IQSEC1: variants seen among roughly 807,000 people sequenced by gnomAD.
IQSEC1 encodes IQ motif and SEC7 domain-containing protein 1.
Under a neutral mutation model 91.0 loss-of-function variants are expected in IQSEC1, and 31 were observed. The observed-to-expected ratio is 0.34, with a 90% CI of 0.26 to 0.46. IQSEC1 has a LOEUF of 0.46. Among genes scored for constraint, IQSEC1 ranks in the 20% least tolerant of loss-of-function variants. The pLI, the probability that IQSEC1 is intolerant of heterozygous loss-of-function variation, is 1.00. For missense variants in IQSEC1, 1,388 were observed against 1,575.6 expected (o/e 0.88, Z 2.02); for synonymous variants, 699 against 662.6 (o/e 1.05, Z -0.84).
At chr3:12,944,970 A>G (rs1699080137) in intron 1 of IQSEC1, among the ~76,000 whole-genome samples, 1 of 152,132 alleles carries the variant, frequency 6.6e-6, no homozygotes, top group African/African-American at 2.4e-5. Context: ...CTGGCCTGAA[A>G]CCACTGTGAG....
chr3:13,043,198 G>A (rs1395480271), intron 1 of IQSEC1, among the ~76,000 whole-genome samples: 4 of 152,208 alleles, frequency 2.6e-5, no homozygotes, highest in Admixed American at 6.5e-5. Flanking sequence ...ACAACCAGGC[G>A]CATTGTTGGG....
intron 12 of IQSEC1, among the ~76,000 whole-genome samples, chr3:12,903,656 G>T (rs544226177): frequency 8.0e-4 from 122 of 152,302 alleles, no homozygotes; most frequent in African/African-American, 2.7e-3. Context: ...GCCCGGCCTG[G>T]CCCCGCCCAG....
chr3:12,923,643 C>T (rs1696837327), intron 4 of IQSEC1, among the ~76,000 whole-genome samples: 1 of 149,824 alleles, frequency 6.7e-6, no homozygotes, highest in Non-Finnish European at 1.5e-5. Context: ...CTTGGTTTCC[C>T]CACCCATGAG....
intron 2 of IQSEC1, among the ~76,000 whole-genome samples, chr3:13,124,274 A>G (rs888924559): frequency 2.0e-5 from 3 of 152,156 alleles, no homozygotes; most frequent in Non-Finnish European, 4.4e-5. Flanking sequence ...GGGGGGACCC[A>G]GCTTCCTAGG....
At chr3:13,215,516 T>TG (rs1249774311) in intron 1 of IQSEC1, among the ~76,000 whole-genome samples, 1 of 152,198 alleles carries the variant, frequency 6.6e-6, no homozygotes, top group East Asian at 1.9e-4. Context: ...GCTTCACAAT[T>TG]GCAATTAGCC....
chr3:13,181,278 C>G (rs1173177017), intron 1 of IQSEC1, among the ~76,000 whole-genome samples: 1 of 16,684 alleles, frequency 6.0e-5, no homozygotes, highest in Non-Finnish European at 1.6e-4. Context: ...CTCAAACAAA[C>G]AAACAAACAA....
At chr3:13,118,068 T>TGG (rs1706364319) in intron 2 of IQSEC1, among the ~76,000 whole-genome samples, 1 of 152,088 alleles carries the variant, frequency 6.6e-6, no homozygotes, top group Non-Finnish European at 1.5e-5. Context: ...CTACAGTTAA[T>TGG]CATAACGTAT....
Position 12,936,383 on chromosome 3 carries a change from A to G in IQSEC1, c.633T>C (p.Ser211=). 1 of 1,597,550 alleles carries G rather than the reference A, an allele frequency of 6.3e-7. No homozygotes were observed. Among genetic ancestry groups the G allele is most frequent in the African/African-American group, 1.3e-5 (1 of 74,732 alleles). Residue 211 remains serine (S), a synonymous_variant, in exon 3 of 14, where the codon TCT becomes TCC. Transcript: ENST00000613206. ...CCGCAAAGTCACTGGAGGGGGCCGG[A>G]GACTTGAGGGTGGTGGGCTCGCTGA... is the stretch of plus-strand genomic sequence containing the variant. ...GDLSEPTTLK[S]PAPSSDFADA...
At chr3:13,239,491 G>C (rs532124286) in intron 1 of IQSEC1, among the ~76,000 whole-genome samples, 1 of 152,364 alleles carries the variant, frequency 6.6e-6, no homozygotes, top group African/African-American at 2.4e-5. Context: ...CTCGTGTTCT[G>C]GGTCCTCCTG....
At chr3:13,002,124 T>C (rs1301449239) in intron 1 of IQSEC1, among the ~76,000 whole-genome samples, 2 of 152,120 alleles carry the variant, frequency 1.3e-5, no homozygotes, top group East Asian at 3.8e-4. Flanking sequence ...CTGAGACAAC[T>C]GGCTATTTAT....
At chr3:13,016,662 A>G (rs1276887961) in intron 1 of IQSEC1, among the ~76,000 whole-genome samples, 1 of 152,048 alleles carries the variant, frequency 6.6e-6, no homozygotes, top group Non-Finnish European at 1.5e-5. Context: ...GCTCTTCCCC[A>G]AGGTCCTCAC....
intron 1 of IQSEC1, among the ~76,000 whole-genome samples, chr3:13,245,481 G>A (rs1489610598): frequency 3.3e-5 from 5 of 152,210 alleles, no homozygotes; most frequent in South Asian, 4.1e-4. Flanking sequence ...GAATGTGGAC[G>A]CAAAGCCAGG....
At position 13,066,997 on chromosome 3, in the gene IQSEC1, C is replaced by T. The variant is rs116790050; in HGVS notation, c.23+5995G>A. Among the ~76,000 whole-genome samples the T allele has an allele frequency of 8.2e-3, 1,253 of 152,340 alleles. 28 individuals carry two copies. Among genetic ancestry groups the T allele is most frequent in the African/African-American group, 0.028 (1,155 of 41,576 alleles). On this transcript the variant is annotated intron_variant, in intron 1 of 13. Transcript: ENST00000613206. ...CACCACTCCTCCCACTCCCAGTCCCCTGTGTGTCGCAGCATAACCAGGAAC... is the reference window on the plus strand; with the variant it reads ...CACCACTCCTCCCACTCCCAGTCCCTTGTGTGTCGCAGCATAACCAGGAAC...
chr3:13,257,898 C>T (rs542220787), intron 1 of IQSEC1, among the ~76,000 whole-genome samples: 1 of 152,352 alleles, frequency 6.6e-6, no homozygotes, highest in East Asian at 1.9e-4. Flanking sequence ...TCATTCATGA[C>T]TGTCAAAACT....
chr3:13,132,897 C>T (rs138051488), intron 2 of IQSEC1, among the ~76,000 whole-genome samples: 45 of 152,360 alleles, frequency 3.0e-4, no homozygotes, highest in African/African-American at 1.0e-3. Context: ...TCCCCCACCA[C>T]AACCCCCGAA....
intron 1 of IQSEC1, among the ~76,000 whole-genome samples, chr3:12,964,306 ACAC>A (rs1700425054): frequency 6.6e-6 from 1 of 151,026 alleles, no homozygotes; most frequent in Non-Finnish European, 1.5e-5. Context: ...CCCTACACAC[ACAC>A]ACACACACAC....
intron 1 of IQSEC1, among the ~76,000 whole-genome samples, chr3:13,198,478 T>A (rs1028707306): frequency 6.6e-6 from 1 of 151,816 alleles, no homozygotes; most frequent in Non-Finnish European, 1.5e-5. Context: ...CAGAGTGAGA[T>A]GCAGATTTCA....
Position 12,899,369 on chromosome 3 carries a change from G to T in IQSEC1, c.*1614C>A. 6.2e-7 allele frequency: 1 copy of T among 1,612,200 alleles called. No individual in the cohort carries two copies. Among genetic ancestry groups the T allele is most frequent in the South Asian group, 1.1e-5 (1 of 90,954 alleles). On this transcript the variant is annotated 3_prime_UTR_variant, in exon 14 of 14. Coordinates refer to ENST00000613206, the MANE Select transcript of IQSEC1 (RefSeq NM_001134382.3). ...CCTCCGCCTGGGCAGGCGCCGGGGG[G>T]CAGTCCTCGGGTCCCATGGCTTAGG... is the stretch of plus-strand genomic sequence containing the variant.
chr3:13,176,777 C>A (rs1056894048), intron 1 of IQSEC1, among the ~76,000 whole-genome samples: 1 of 152,188 alleles, frequency 6.6e-6, no homozygotes, highest in Non-Finnish European at 1.5e-5. Context: ...CTTTTAAATG[C>A]GTCAGTGAGC....
Sources: gnomAD v4.1 joint callset for allele counts (sites outside exome capture counted in the v4.1 genomes callset) on GRCh38, gnomAD v4.1.1 for gene constraint, MANE v1.5 for transcripts, NCBI Gene and HGNC (gene_info 2026-07-23, HGNC 2026-07-21) for gene names.